The following ZNF804B variants were observed in gnomAD, a reference collection of about 807,000 sequenced individuals.
The protein encoded by ZNF804B is zinc finger 804B.
A neutral mutation model predicts 101.4 loss-of-function variants in ZNF804B; 80 were observed. That is an observed-to-expected ratio of 0.79 (90% CI 0.66 to 0.95). The LOEUF (loss-of-function observed/expected upper bound fraction) is 0.95, where lower values mean the gene tolerates loss of function less well. ZNF804B is among the 40% of genes least tolerant of loss of function. The pLI is 0.00. For synonymous variants in ZNF804B, 622 were observed against 558.8 expected (o/e 1.11, Z -1.59); for missense variants, 1,673 against 1,561.9 (o/e 1.07, Z -1.20).
chr7:88,876,308 T>C (rs1013109644), intron 1 of ZNF804B, among the ~76,000 whole-genome samples: 5 of 152,196 alleles, frequency 3.3e-5, no homozygotes, highest in Non-Finnish European at 5.9e-5. Flanking sequence ...AGATCTAACT[T>C]GCTCTTTTTG....
At chr7:89,168,622 C>T (rs1230006211) in intron 1 of ZNF804B, among the ~76,000 whole-genome samples, 1 of 150,058 alleles carries the variant, frequency 6.7e-6, no homozygotes, top group Non-Finnish European at 1.5e-5. Flanking sequence ...AGATGATACA[C>T]ACAGAGCTAA....
chr7:89,229,409 C>T (rs1305223540), intron 2 of ZNF804B, among the ~76,000 whole-genome samples: 1 of 152,164 alleles, frequency 6.6e-6, no homozygotes, highest in African/African-American at 2.4e-5. Context: ...GCTGGAAGAG[C>T]AGCATTAATT....
intron 1 of ZNF804B, among the ~76,000 whole-genome samples, chr7:88,800,801 G>A (rs1432567446): frequency 6.6e-6 from 1 of 151,200 alleles, no homozygotes; most frequent in Non-Finnish European, 1.5e-5. Flanking sequence ...TAAGAAAATG[G>A]AAACAATCTG....
chr7:88,808,459 CAGTA>C (rs1030616415), intron 1 of ZNF804B, among the ~76,000 whole-genome samples: 4 of 150,932 alleles, frequency 2.7e-5, no homozygotes, highest in African/African-American at 7.3e-5. Flanking sequence ...TAGGCATTGT[CAGTA>C]AGTATTATAT....
At chr7:89,140,550 A>G (rs1790702039) in intron 1 of ZNF804B, among the ~76,000 whole-genome samples, 1 of 152,126 alleles carries the variant, frequency 6.6e-6, no homozygotes, top group South Asian at 2.1e-4. Context: ...CTGTGCTTCT[A>G]CATTATCACT....
Position 89,001,281 on chromosome 7 carries a change from CTG to C in ZNF804B, c.109-216871_109-216870del, listed in dbSNP as rs369753632. Among the ~76,000 whole-genome samples, 15 of 151,064 alleles carry C rather than the reference CTG, an allele frequency of 9.9e-5. No individual in the cohort carries two copies. In the East Asian group the frequency reaches 2.7e-3, roughly 27 times the overall value. The stretch of plus-strand genomic sequence containing the variant: ...ATATTTATTCTTACTGAAAAAATAA[CTG>C]TGAAGTAACATATATGTTAGTTAGC... On this transcript the variant is annotated intron_variant, in intron 1 of 3. Coordinates refer to ENST00000333190, the MANE Select transcript of ZNF804B (RefSeq NM_181646.5).
intron 1 of ZNF804B, among the ~76,000 whole-genome samples, chr7:89,173,575 T>G (rs999287671): frequency 6.6e-6 from 1 of 152,048 alleles, no homozygotes; most frequent in African/African-American, 2.4e-5. Context: ...AGTGCTATAT[T>G]TCTAAAATAG....
At chr7:89,076,644 A>G (rs1305604850) in intron 1 of ZNF804B, among the ~76,000 whole-genome samples, 1 of 152,232 alleles carries the variant, frequency 6.6e-6, no homozygotes, top group African/African-American at 2.4e-5. Flanking sequence ...TGATAATATG[A>G]CTGTGACATT....
intron 1 of ZNF804B, among the ~76,000 whole-genome samples, chr7:88,956,865 A>C (rs1200746666): frequency 6.6e-6 from 1 of 151,468 alleles, no homozygotes; most frequent in African/African-American, 2.4e-5. Flanking sequence ...TGTTGCATAC[A>C]CTTTTCTTGT....
At chr7:88,949,528 G>A (rs901751412) in intron 1 of ZNF804B, among the ~76,000 whole-genome samples, 1 of 151,820 alleles carries the variant, frequency 6.6e-6, no homozygotes, top group East Asian at 2.0e-4. Context: ...CTTGTATGTG[G>A]CATATCTTCC....
intron 1 of ZNF804B, among the ~76,000 whole-genome samples, chr7:89,054,638 G>A (rs993506388): frequency 2.6e-5 from 4 of 151,884 alleles, no homozygotes; most frequent in Non-Finnish European, 4.4e-5. Flanking sequence ...TAAAGCATTA[G>A]GAAAAAACAA....
At chr7:89,086,857 A>C (rs1789810035) in intron 1 of ZNF804B, among the ~76,000 whole-genome samples, 1 of 151,938 alleles carries the variant, frequency 6.6e-6, no homozygotes, top group Non-Finnish European at 1.5e-5. Flanking sequence ...GTCTTTGTAT[A>C]AAATTGAATC....
intron 2 of ZNF804B, among the ~76,000 whole-genome samples, chr7:89,273,499 T>C (rs925440266): frequency 1.3e-5 from 2 of 152,134 alleles, no homozygotes; most frequent in African/African-American, 4.8e-5. Context: ...TATTAAAATT[T>C]TATTCAGTTA....
In ZNF804B at chr7:89,154,042, A is replaced by G. The variant is rs978665527; in HGVS notation, c.109-64113A>G. Among the ~76,000 whole-genome samples the G allele has an allele frequency of 2.2e-5, 3 of 133,668 alleles. No homozygotes were observed. The East Asian group carries it at 6.4e-4, about 28-fold the overall frequency. The allele number at this position is 133,668 out of a possible 152,430, so 87.7% of individuals were successfully genotyped here. ...AACACAAACAAATCCATAGGAAAAA[A>G]TCTAATAATCCAATCAAAAAATGGG... On this transcript the variant is annotated intron_variant, in intron 1 of 3. Coordinates refer to ENST00000333190, the MANE Select transcript of ZNF804B (RefSeq NM_181646.5).
At chr7:88,985,896 T>C (rs1377563837) in intron 1 of ZNF804B, among the ~76,000 whole-genome samples, 1 of 152,106 alleles carries the variant, frequency 6.6e-6, no homozygotes, top group Non-Finnish European at 1.5e-5. Flanking sequence ...CAGATGTAGA[T>C]AATACCATTA....
At chr7:89,175,066 C>A (rs1392907708) in intron 1 of ZNF804B, among the ~76,000 whole-genome samples, 1 of 151,902 alleles carries the variant, frequency 6.6e-6, no homozygotes, top group Non-Finnish European at 1.5e-5. Context: ...TTGATTGTTT[C>A]CTTTGCCATG....
intron 2 of ZNF804B, among the ~76,000 whole-genome samples, chr7:89,233,063 A>G (rs895412618): frequency 2.6e-5 from 4 of 151,448 alleles, no homozygotes; most frequent in African/African-American, 4.8e-5. Context: ...CTGGGACTAC[A>G]GGCGCCCGCC....
At chr7:88,901,485 A>G (rs900077052) in intron 1 of ZNF804B, among the ~76,000 whole-genome samples, 2 of 151,882 alleles carry the variant, frequency 1.3e-5, no homozygotes, top group African/African-American at 4.8e-5. Context: ...GAAATAGTAA[A>G]AACAACTTTA....
At chr7:88,825,268 A>G (rs914237121) in intron 1 of ZNF804B, among the ~76,000 whole-genome samples, 3 of 152,160 alleles carry the variant, frequency 2.0e-5, no homozygotes, top group African/African-American at 7.2e-5. Flanking sequence ...TGGTGGTGGT[A>G]ACTCCACAGC....
Sources: gnomAD v4.1 joint callset for allele counts (sites outside exome capture counted in the v4.1 genomes callset) on GRCh38, gnomAD v4.1.1 for gene constraint, MANE v1.5 for transcripts, NCBI Gene and HGNC (gene_info 2026-07-23, HGNC 2026-07-21) for gene names.